The following COCH variants were observed in gnomAD, a reference collection of about 807,000 sequenced individuals.
The protein encoded by COCH is coagulation factor C homolog, cochlin (Limulus polyphemus).
A neutral mutation model predicts 54.8 loss-of-function variants in COCH; 40 were observed. The observed-to-expected ratio is 0.73, with a 90% CI of 0.57 to 0.95. The LOEUF (loss-of-function observed/expected upper bound fraction) is 0.95. COCH is among the 40% of genes least tolerant of loss of function. The pLI, the probability that COCH is intolerant of heterozygous loss-of-function variation, is 0.00. For synonymous variants in COCH, 256 were observed against 237.9 expected, an observed-to-expected ratio of 1.08 and a Z score of -0.70; for missense variants, 605 against 675.0, an observed-to-expected ratio of 0.90 and a Z score of 1.15.
At chr14:30,894,905 T>TC (rs1387267376), downstream of COCH, 4 of 1,077,290 alleles carry the variant, frequency 3.7e-6, no homozygotes, top group Admixed American at 3.4e-5. Flanking sequence ...TTTTTTTTTT[T>TC]TTTAAAGCAA....
Position 30,890,333 on chromosome 14 carries a change from T to C in COCH, c.*542T>C, listed in dbSNP as rs1469177772. 2 of 985,704 alleles carry C rather than the reference T, an allele frequency of 2.0e-6. No homozygotes were observed. The highest frequency in any genetic ancestry group is 4.7e-5 in the South Asian group (1 of 21,300). 61.1% of individuals were successfully genotyped at this position (985,704 alleles called of 1,614,324 possible). On this transcript the variant is annotated 3_prime_UTR_variant, in exon 12 of 12. Coordinates refer to ENST00000396618, the MANE Select transcript of COCH (RefSeq NM_004086.3). ...TCTGGATATAGAAAGGAGACCTGTA[T>C]CAAACTGCTTTTGTAGTGTGTTTTC...
downstream of COCH, among the ~76,000 whole-genome samples, chr14:30,891,735 AAGT>A (rs1895987066): frequency 6.6e-6 from 1 of 152,150 alleles, no homozygotes. Context: ...CCTTTTAAGA[AAGT>A]GGTTTTTTCT....
chr14:30,892,247 AAAAT>A (rs772734634), downstream of COCH, among the ~76,000 whole-genome samples: 134 of 152,328 alleles, frequency 8.8e-4, no homozygotes, highest in Admixed American at 1.6e-3. Flanking sequence ...GAGATAGAAC[AAAAT>A]AAACATATAT....
chr14:30,875,023 C>G, intron 2 of COCH, 33 bp from the exon 3 acceptor site: 1 of 1,612,782 alleles, frequency 6.2e-7, no homozygotes, highest in Admixed American at 1.7e-5. Context: ...TGGGTGGAGG[C>G]TGGAGCCAGC....
rs1474923609 is a variant in COCH, at chr14:30,877,087, G to A, written c.83-485G>A. 6.6e-6 allele frequency among the ~76,000 whole-genome samples: 1 copy of A among 152,012 alleles called. No homozygotes were observed. The highest frequency in any genetic ancestry group is 6.6e-5 in the Admixed American group (1 of 15,266). ...GCCTGCTAAAGTGCTGGGATTATAG[G>A]CATGAGTCACCACGCCCAGCCAAGA... On this transcript the variant is annotated intron_variant, in intron 3 of 11. Coordinates refer to ENST00000396618, the MANE Select transcript of COCH (RefSeq NM_004086.3). The surrounding 1 kb of genome is among the most constrained non-coding windows in gnomAD (Gnocchi z 8.6).
At chr14:30,887,899 C>T (rs548599815) in intron 11 of COCH, among the ~76,000 whole-genome samples, 38 of 152,110 alleles carry the variant, frequency 2.5e-4, no homozygotes, top group Non-Finnish European at 4.1e-4. Context: ...TAATACTTAG[C>T]TTACTGAACT....
intron 8 of COCH, among the ~76,000 whole-genome samples, chr14:30,882,268 C>T (rs1259809592): frequency 6.6e-6 from 1 of 150,784 alleles, no homozygotes; most frequent in East Asian, 2.0e-4. Context: ...TAGCTGGGAT[C>T]ACAGGTGTGC....
chr14:30,882,753 G>C (rs1295137282), intron 8 of COCH, among the ~76,000 whole-genome samples: 1 of 152,172 alleles, frequency 6.6e-6, no homozygotes, highest in Non-Finnish European at 1.5e-5. Context: ...GCCATGCACA[G>C]TGGCTCATGC....
chr14:30,885,938 T>C lies in COCH; in HGVS notation c.1103T>C (p.Ile368Thr), dbSNP rs375542487. 8.7e-6 allele frequency: 14 copies of C among 1,614,060 alleles called. No homozygotes were observed. Among genetic ancestry groups the C allele is most frequent in the Admixed American group, 3.3e-5 (2 of 60,008 alleles). The change falls in exon 11 of 12, where the codon ATT becomes ACT. Residue 368 changes from isoleucine (I) to threonine (T), a missense_variant. By Grantham distance (89) the Ile-to-Thr change is moderately conservative. Transcript: ENST00000396618. ...CSKTCYNSVN[I>T]AFLIDGSSSV... ...AAGACCTGTTATAACTCAGTGAACA[T>C]TGCCTTTCTAATTGATGGCTCCAGC...
downstream of COCH, among the ~76,000 whole-genome samples, chr14:30,891,589 T>C (rs1476767428): frequency 6.6e-6 from 1 of 152,200 alleles, no homozygotes; most frequent in Non-Finnish European, 1.5e-5. Flanking sequence ...ACAGGGATAA[T>C]TTTAATTAAA....
intron 11 of COCH, 56 bp from the exon 12 acceptor site, chr14:30,889,560 T>A: frequency 2.7e-6 from 4 of 1,461,188 alleles, no homozygotes; most frequent in Non-Finnish European, 3.8e-6. Context: ...ATAGACATAA[T>A]TCCATATATT....
At chr14:30,885,047 A>AT in intron 9 of COCH, 1 of 1,595,978 alleles carries the variant, frequency 6.3e-7, no homozygotes. Flanking sequence ...TAGAGGTACT[A>AT]ATCAGTCACC....
rs77298564 is a variant in COCH at position 30,877,274 on chromosome 14, G to C, written c.83-298G>C. ...AGTTGGAGGTGGATCACTTGAGCTC[G>C]GGAATTTGAGCCTAGCTTGGGCAAC... On this transcript the variant is annotated intron_variant, in intron 3 of 11. Transcript: ENST00000396618. The surrounding 1 kb of genome is among the most constrained non-coding windows in gnomAD (Gnocchi z 8.6). 3 of 373,810 alleles carry C rather than the reference G, an allele frequency of 8.0e-6. No homozygotes were observed. Among genetic ancestry groups the C allele is most frequent in the African/African-American group, 6.2e-5 (3 of 48,028 alleles). The allele number at this position is 373,810 out of a possible 1,614,324, so 23.2% of individuals were successfully genotyped here.
chr14:30,889,824 C>G lies in COCH; in HGVS notation c.*33C>G, dbSNP rs760310994. 4 of 1,600,300 alleles carry G rather than the reference C, an allele frequency of 2.5e-6. No homozygotes were observed. The highest frequency in any genetic ancestry group is 3.4e-6 in the Non-Finnish European group (4 of 1,170,882). Reference sequence around the variant, plus strand: ...ATTTTGACAACTGAAAGAAAAAGTACAAGGGGATCCAGTGTGTAAATTGTA... The same window carrying G: ...ATTTTGACAACTGAAAGAAAAAGTAGAAGGGGATCCAGTGTGTAAATTGTA... On this transcript the variant is annotated 3_prime_UTR_variant, in exon 12 of 12. Coordinates refer to ENST00000396618, the MANE Select transcript of COCH (RefSeq NM_004086.3).
intron 4 of COCH, 111 bp from the exon 5 acceptor site, chr14:30,878,700 T>C (rs960541174): frequency 6.9e-7 from 1 of 1,454,018 alleles, no homozygotes; most frequent in Non-Finnish European, 9.5e-7. Flanking sequence ...ACTTCCCTGA[T>C]GAGCTATTTT....
At chr14:30,878,049 G>A (rs1440345088) in intron 4 of COCH, among the ~76,000 whole-genome samples, 2 of 152,140 alleles carry the variant, frequency 1.3e-5, no homozygotes, top group Middle Eastern at 3.2e-3. Context: ...AACTCTACAA[G>A]GTAGGTAGAA....
Position 30,877,683 on chromosome 14 carries a change from T to G in COCH, c.194T>G (p.Ile65Arg), listed in dbSNP as rs765509637. ...GAGGAATTCTCTGTGTATGGGAACA[T>G]AGTATATGCTTCTGTATCGAGCATA... ...PLEEFSVYGN[I>R]VYASVSSICG... is the part of the protein sequence containing the mutation. The change falls in exon 4 of 12, where the codon ATA becomes AGA. Residue 65 changes from isoleucine to arginine, a missense_variant. Ile to Arg is a moderately conservative substitution (Grantham distance 97). Coordinates refer to ENST00000396618, the MANE Select transcript of COCH (RefSeq NM_004086.3). This position sits in a 1 kb window ranked among gnomAD's most constrained non-coding sequence, Gnocchi z 8.6. 3 of 1,614,210 alleles carry G rather than the reference T, an allele frequency of 1.9e-6. No individual in the cohort carries two copies. In the East Asian group the frequency reaches 6.7e-5, roughly 36 times the overall value.
At chr14:30,881,164 G>A (rs953884908) in intron 8 of COCH, among the ~76,000 whole-genome samples, 1 of 146,996 alleles carries the variant, frequency 6.8e-6, no homozygotes, top group South Asian at 2.2e-4. Flanking sequence ...ACAATGAGCC[G>A]AGATTGCACC....
rs1397854498 is a variant in COCH at position 30,884,696 on chromosome 14, GGTTATCA to G, written c.733+43_733+49del. On this transcript the variant is annotated intron_variant, in intron 9 of 11. Transcript: ENST00000396618. ...ATACCTGGGATGTAACATAGGAGAG[GGTTATCA>G]GTGATCAGACATGTAAAACAGTATT... 6.3e-6 allele frequency: 9 copies of G among 1,438,062 alleles called. No homozygotes were observed. In the South Asian group the frequency reaches 1.0e-4, roughly 16 times the overall value. 89.1% of individuals were successfully genotyped at this position (1,438,062 alleles called of 1,614,324 possible). A position where few individuals can be genotyped will look rare whatever the true frequency, so the allele number is the denominator to read the frequency against.
Sources: gnomAD v4.1 joint callset for allele counts (sites outside exome capture counted in the v4.1 genomes callset) on GRCh38, gnomAD v4.1.1 for gene constraint, Gnocchi (gnomAD v3.1) non-coding constraint, MANE v1.5 for transcripts, NCBI Gene and HGNC (gene_info 2026-07-23, HGNC 2026-07-21) for gene names.